Variants in CACHD1 observed in about 807,000 individuals in gnomAD.
The protein encoded by CACHD1 is cache domain containing 1.
In CACHD1, 71 loss-of-function variants were observed where a neutral mutation model predicts 138.7. That is an observed-to-expected ratio of 0.51 (90% CI 0.42 to 0.62). The LOEUF is 0.62. CACHD1 is among the 20% of genes least tolerant of loss of function. The pLI, the probability that CACHD1 is intolerant of heterozygous loss-of-function variation, is 0.00. For synonymous variants in CACHD1, 578 were observed against 591.5 expected (o/e 0.98, Z 0.33); for missense variants, 1,389 against 1,625.3 (o/e 0.85, Z 2.50).
At chr1:64,630,214 A>G (rs1437596785) in intron 5 of CACHD1, among the ~76,000 whole-genome samples, 1 of 152,056 alleles carries the variant, frequency 6.6e-6, no homozygotes, top group African/African-American at 2.4e-5. Flanking sequence ...AGTCTACACA[A>G]TTACTTTAGC....
chr1:64,655,508 A>G (rs886089425), intron 12 of CACHD1, among the ~76,000 whole-genome samples: 1 of 152,186 alleles, frequency 6.6e-6, no homozygotes, highest in African/African-American at 2.4e-5. Flanking sequence ...ACATGAAAGC[A>G]TAAGTACCTT....
intron 2 of CACHD1, among the ~76,000 whole-genome samples, chr1:64,552,376 T>C (rs143365467): frequency 6.6e-6 from 1 of 152,106 alleles, no homozygotes; most frequent in Non-Finnish European, 1.5e-5. Flanking sequence ...AGAGGTAAAA[T>C]AAGTTATTTG....
At chr1:64,510,489 C>G (rs1646411828) in intron 1 of CACHD1, among the ~76,000 whole-genome samples, 1 of 152,124 alleles carries the variant, frequency 6.6e-6, no homozygotes, top group Admixed American at 6.5e-5. Context: ...AAAAGAGGGT[C>G]CAGTGACGAC....
intron 8 of CACHD1, 47 bp downstream of exon 8, chr1:64,642,016 A>G (rs775377697): frequency 2.1e-6 from 3 of 1,430,470 alleles, no homozygotes; most frequent in Admixed American, 2.7e-5. Flanking sequence ...GATCCCTCTA[A>G]GTGTATGCTG....
chr1:64,536,343 CCACTA>C (rs1354260082), intron 1 of CACHD1, among the ~76,000 whole-genome samples: 1 of 152,152 alleles, frequency 6.6e-6, no homozygotes, highest in African/African-American at 2.4e-5. Flanking sequence ...CATGCTCTTT[CCACTA>C]CACAATGCTT....
intron 1 of CACHD1, among the ~76,000 whole-genome samples, chr1:64,542,532 A>G (rs1395492423): frequency 6.6e-6 from 1 of 151,978 alleles, no homozygotes; most frequent in Non-Finnish European, 1.5e-5. Flanking sequence ...GTAACTTTGG[A>G]TGTATGTGCT....
At chr1:64,623,416 G>A (rs1489870734) in intron 4 of CACHD1, among the ~76,000 whole-genome samples, 2 of 150,988 alleles carry the variant, frequency 1.3e-5, no homozygotes, top group African/African-American at 4.9e-5. Flanking sequence ...AAAAAAAATG[G>A]CATTAGAAGA....
chr1:64,471,010 G>C, intron 1 of CACHD1, 68 bp downstream of exon 1: 3 of 1,462,526 alleles, frequency 2.1e-6, no homozygotes, highest in East Asian at 4.9e-5. Context: ...TCCCACTCCC[G>C]GTACAAGTCC....
chr1:64,662,731 G>A (rs1649484163), intron 13 of CACHD1, among the ~76,000 whole-genome samples: 1 of 152,190 alleles, frequency 6.6e-6, no homozygotes, highest in Non-Finnish European at 1.5e-5. Flanking sequence ...GATTCACTGT[G>A]AGAATTTTTA....
intron 10 of CACHD1, among the ~76,000 whole-genome samples, chr1:64,652,851 TG>T (rs1649139623): frequency 6.6e-6 from 1 of 152,192 alleles, no homozygotes; most frequent in Non-Finnish European, 1.5e-5. Flanking sequence ...CTCAAAGAGA[TG>T]AAAACAGAAC....
At chr1:64,523,275 T>C (rs1646511547) in intron 1 of CACHD1, among the ~76,000 whole-genome samples, 1 of 152,220 alleles carries the variant, frequency 6.6e-6, no homozygotes, top group South Asian at 2.1e-4. Flanking sequence ...AGATTGACTA[T>C]GAGTTGGAAA....
intron 1 of CACHD1, among the ~76,000 whole-genome samples, chr1:64,477,308 A>G (rs1038234631): frequency 2.0e-5 from 3 of 152,206 alleles, no homozygotes; most frequent in African/African-American, 7.2e-5. Context: ...GCAGATTTCA[A>G]TATGGTCAAT....
chr1:64,565,021 T>G (rs994461980), intron 2 of CACHD1, among the ~76,000 whole-genome samples: 3 of 150,572 alleles, frequency 2.0e-5, no homozygotes, highest in African/African-American at 7.4e-5. Flanking sequence ...ACCTCAATAT[T>G]CATATTTCCA....
Position 64,482,277 on chromosome 1 carries a change from G to A in CACHD1, c.198+11335G>A, listed in dbSNP as rs540244954. Among the ~76,000 whole-genome samples, 10 of 151,994 alleles carry A rather than the reference G, an allele frequency of 6.6e-5. No homozygotes were observed. The South Asian group carries it at 1.5e-3, about 22-fold the overall frequency. ...TTTTTTTCCCCACTTGGATTACTCC[G>A]TGTGCCTCTGCCAGAATACTGGCCT... is the stretch of plus-strand genomic sequence containing the variant. On this transcript the variant is annotated intron_variant, in intron 1 of 26. Coordinates refer to ENST00000651257, the MANE Select transcript of CACHD1 (RefSeq NM_020925.4).
rs1206009637 is a variant in CACHD1, at chr1:64,691,531, C to T, written c.3795C>T (p.Val1265=). The T allele has an allele frequency of 5.6e-6, 9 of 1,614,064 alleles. No homozygotes were observed. The highest frequency in any genetic ancestry group is 7.6e-6 in the Non-Finnish European group (9 of 1,179,970). Residue 1265 remains valine (V), a synonymous_variant, in exon 27 of 27, where the codon GTC becomes GTT. Coordinates refer to ENST00000651257, the MANE Select transcript of CACHD1 (RefSeq NM_020925.4). ...ATAGCCACCACTTACAGGCGGCCGT[C>T]ACGGTACACACTGTCGATGCAGAAT... The part of the protein sequence containing the change: ...LHHSHHLQAA[V]TVHTVDAEC
chr1:64,608,792 C>G (rs1162434529), intron 4 of CACHD1, among the ~76,000 whole-genome samples: 1 of 151,994 alleles, frequency 6.6e-6, no homozygotes, highest in African/African-American at 2.4e-5. Context: ...TCCTGCTGAG[C>G]TATTTTCTTG....
chr1:64,658,578 C>T (rs1570458768), intron 12 of CACHD1, 127 bp from the exon 13 acceptor site: 4 of 612,244 alleles, frequency 6.5e-6, no homozygotes, highest in Admixed American at 3.3e-5. Flanking sequence ...TTCATTCATC[C>T]CATATTTAAT....
Position 64,647,943 on chromosome 1 carries a change from G to A in CACHD1, c.1299G>A (p.Glu433=). The change falls in exon 9 of 27, where the codon GAG becomes GAA. Residue 433 remains glutamate (E), a synonymous_variant. Transcript: ENST00000651257. ...MMVLNQLSNL[E]TTVGRFYTNL... Reference sequence around the variant, plus strand: ...TGCTGAATCAGTTGAGCAACCTGGAGACCACAGTGGGCAGGTTCTACACAA... The same window carrying A: ...TGCTGAATCAGTTGAGCAACCTGGAAACCACAGTGGGCAGGTTCTACACAA... 2 of 1,614,036 alleles carry A rather than the reference G, an allele frequency of 1.2e-6. No individual in the cohort carries two copies. The highest frequency in any genetic ancestry group is 1.7e-6 in the Non-Finnish European group (2 of 1,179,994).
rs1273328837 is a variant in CACHD1 at position 64,470,639 on chromosome 1, A to T, written c.-106A>T. The T allele has an allele frequency of 2.3e-6, 1 of 433,604 alleles. No homozygotes were observed. Among genetic ancestry groups the T allele is most frequent in the South Asian group, 4.7e-5 (1 of 21,188 alleles). The allele number at this position is 433,604 out of a possible 1,614,324, so 26.9% of individuals were successfully genotyped here. ...CGCGGCGCGGAGCAGAGCCTGCAAC[A>T]GAGGAAGAAACTTTTGCGGGGTGCG... On this transcript the variant is annotated 5_prime_UTR_variant, in exon 1 of 27. Coordinates refer to ENST00000651257, the MANE Select transcript of CACHD1 (RefSeq NM_020925.4). The surrounding 1 kb of genome is among the most constrained non-coding windows in gnomAD (Gnocchi z 5.2).
Sources: gnomAD v4.1 joint callset for allele counts (sites outside exome capture counted in the v4.1 genomes callset) on GRCh38, gnomAD v4.1.1 for gene constraint, Gnocchi (gnomAD v3.1) non-coding constraint, MANE v1.5 for transcripts, NCBI Gene and HGNC (gene_info 2026-07-23, HGNC 2026-07-21) for gene names.